The following CSMD1 variants were observed in gnomAD, a reference collection of about 807,000 sequenced individuals.
The protein encoded by CSMD1 is CUB and sushi domain-containing protein 1.
A neutral mutation model predicts 417.5 loss-of-function variants in CSMD1; 213 were observed. The observed-to-expected ratio is 0.51, with a 90% confidence interval of 0.46 to 0.57. The LOEUF (loss-of-function observed/expected upper bound fraction) is 0.57. CSMD1 is among the 20% of genes least tolerant of loss of function. The pLI, the probability that CSMD1 is intolerant of heterozygous loss-of-function variation, is 0.00. For missense variants in CSMD1, 6,923 were observed against 4,529.7 expected (o/e 1.53, Z -15.17); for synonymous variants, 2,862 against 1,736.8 (o/e 1.65, Z -16.11).
At chr8:4,017,663 AT>A (rs889362534) in intron 4 of CSMD1, among the ~76,000 whole-genome samples, 2 of 150,926 alleles carry the variant, frequency 1.3e-5, no homozygotes, top group Admixed American at 1.3e-4. Context: ...CTAATTAAGA[AT>A]TTTTTTTTTC....
chr8:3,387,562 A>C lies in CSMD1; in HGVS notation c.2714T>G (p.Leu905Arg). The C allele has an allele frequency of 1.9e-6, 3 of 1,602,416 alleles. No individual in the cohort carries two copies. Among genetic ancestry groups the C allele is most frequent in the Non-Finnish European group, 2.6e-6 (3 of 1,174,474 alleles). The change falls in exon 18 of 70, where the codon CTA (leucine) becomes CGA (arginine). Residue 905 changes from leucine (L) to arginine (R), a missense_variant. Transcript: ENST00000635120. ...ACAGACGAGGGGCTCGTCGTCACTT[A>C]GTGTGTACCCCGGGTCACAGCTGAA... is the stretch of plus-strand genomic sequence containing the variant. Reference protein sequence around the residue: ...VTFSCDPGYTLSDDEPLVCER... With the variant: ...VTFSCDPGYTRSDDEPLVCER...
chr8:3,729,390 C>T (rs1408511832), intron 6 of CSMD1, among the ~76,000 whole-genome samples: 1 of 152,132 alleles, frequency 6.6e-6, no homozygotes, highest in Non-Finnish European at 1.5e-5. Context: ...CAGTTGTGCT[C>T]AGTCAGTTCT....
chr8:4,134,051 A>G (rs1647348), intron 3 of CSMD1, among the ~76,000 whole-genome samples: 146,429 of 152,270 alleles, frequency 0.96, 70,670 homozygotes, highest in South Asian at 1. Flanking sequence ...GAGATTAGCT[A>G]TTAATAAAGA....
intron 57 of CSMD1, among the ~76,000 whole-genome samples, chr8:2,970,272 T>C (rs975642870): frequency 2.0e-5 from 3 of 152,182 alleles, no homozygotes; most frequent in Non-Finnish European, 4.4e-5. Context: ...TCAACTGTTA[T>C]AATTTTGTTC....
chr8:4,538,434 G>A (rs747216122), intron 2 of CSMD1, among the ~76,000 whole-genome samples: 2 of 152,008 alleles, frequency 1.3e-5, no homozygotes, highest in Non-Finnish European at 2.9e-5. Context: ...CCTGAGATCA[G>A]GAGTTTGAGA....
At chr8:3,898,577 G>C (rs903154210) in intron 5 of CSMD1, among the ~76,000 whole-genome samples, 11 of 152,158 alleles carry the variant, frequency 7.2e-5, no homozygotes, top group African/African-American at 2.4e-4. Context: ...GGAATATGAA[G>C]ATAGAAAAAA....
chr8:4,810,567 G>C (rs992339871), intron 1 of CSMD1, among the ~76,000 whole-genome samples: 2 of 152,100 alleles, frequency 1.3e-5, no homozygotes, highest in Middle Eastern at 3.2e-3. Flanking sequence ...GTGTGTATGT[G>C]GGGGGTGGTG....
At chr8:3,446,417 A>T (rs777736126) in intron 12 of CSMD1, among the ~76,000 whole-genome samples, 9 of 152,232 alleles carry the variant, frequency 5.9e-5, no homozygotes, top group Non-Finnish European at 1.0e-4. Context: ...GTTTTAATAC[A>T]ATGTATCCTG....
intron 1 of CSMD1, among the ~76,000 whole-genome samples, chr8:4,794,527 T>G (rs1797866921): frequency 6.6e-6 from 1 of 152,172 alleles, no homozygotes; most frequent in African/African-American, 2.4e-5. Context: ...TCTCCATCTC[T>G]GCCTGACTCT....
chr8:3,387,449 C>G (rs748349625), intron 18 of CSMD1, 45 bp downstream of exon 18: 3 of 1,519,036 alleles, frequency 2.0e-6, no homozygotes, highest in Non-Finnish European at 1.8e-6. Flanking sequence ...TGTGCGCTGT[C>G]TCTGCACACC....
intron 46 of CSMD1, among the ~76,000 whole-genome samples, chr8:3,101,055 G>GT (rs3053035): frequency 5.0e-5 from 7 of 140,436 alleles, no homozygotes; most frequent in East Asian, 2.1e-4. Flanking sequence ...TACGTATGGT[G>GT]TTTTTTTTTT....
At chr8:4,461,872 C>G (rs1490650194) in intron 2 of CSMD1, among the ~76,000 whole-genome samples, 1 of 151,540 alleles carries the variant, frequency 6.6e-6, no homozygotes, top group African/African-American at 2.4e-5. Flanking sequence ...TCCCGAGTAG[C>G]TCGGACTACA....
intron 1 of CSMD1, among the ~76,000 whole-genome samples, chr8:4,750,796 G>A (rs1489045234): frequency 6.6e-6 from 1 of 152,150 alleles, no homozygotes; most frequent in Non-Finnish European, 1.5e-5. Flanking sequence ...TGTTTCGTTG[G>A]TTGCTTTTTT....
chr8:3,298,826 G>T (rs528863457), intron 25 of CSMD1, among the ~76,000 whole-genome samples: 3 of 152,300 alleles, frequency 2.0e-5, no homozygotes, highest in South Asian at 4.1e-4. Flanking sequence ...CTGGAGAAGA[G>T]ACAATTTGAA....
chr8:4,285,831 C>A (rs547709520), intron 3 of CSMD1, among the ~76,000 whole-genome samples: 3 of 152,168 alleles, frequency 2.0e-5, no homozygotes, highest in African/African-American at 4.8e-5. Context: ...ATCATGTGTC[C>A]TTGGCTATTT....
At chr8:4,810,213 C>A (rs183280592) in intron 1 of CSMD1, among the ~76,000 whole-genome samples, 1 of 152,286 alleles carries the variant, frequency 6.6e-6, no homozygotes, top group East Asian at 1.9e-4. Context: ...CATTCCCTGT[C>A]ATGTATTAAA....
In CSMD1 at chr8:3,108,768, G is replaced by A. The variant is rs751778282; in HGVS notation, c.6609-20C>T. On this transcript the variant is annotated intron_variant, in intron 43 of 69. Transcript: ENST00000635120. ...CCGTCCCTAGGAAAGACAGAAAGAG[G>A]TGGCTGGCTAAGGATATTTACTTCT... 1 of 1,597,374 alleles carries A rather than the reference G, an allele frequency of 6.3e-7. No individual in the cohort carries two copies. Among genetic ancestry groups the A allele is most frequent in the South Asian group, 1.1e-5 (1 of 89,098 alleles).
chr8:4,500,121 C>A (rs1241689526), intron 2 of CSMD1, among the ~76,000 whole-genome samples: 1 of 151,594 alleles, frequency 6.6e-6, no homozygotes, highest in African/African-American at 2.4e-5. Context: ...TGGGAGAATA[C>A]AATGTCTCTG....
intron 29 of CSMD1, among the ~76,000 whole-genome samples, chr8:3,215,620 C>G (rs1797836503): frequency 6.6e-6 from 1 of 152,176 alleles, no homozygotes; most frequent in Admixed American, 6.6e-5. Context: ...AGTAAAAATA[C>G]AAAACCTTTT....
Sources: allele counts gnomAD v4.1 joint callset (sites outside exome capture counted in the v4.1 genomes callset), GRCh38; gene constraint gnomAD v4.1.1; transcripts MANE v1.5; gene names NCBI Gene and HGNC (gene_info 2026-07-23, HGNC 2026-07-21).